Variants in PDIA6 observed in about 807,000 individuals in gnomAD.
PDIA6 encodes the protein protein disulfide isomerase family A member 6, also known as protein disulfide-isomerase A6.
In PDIA6, 29 loss-of-function variants were observed where a neutral mutation model predicts 58.4. The ratio of observed to expected loss-of-function variants is 0.50; its 90% CI spans 0.37 to 0.68. The LOEUF (loss-of-function observed/expected upper bound fraction) is 0.68. PDIA6 is among the 30% of genes least tolerant of loss of function. The probability of loss-of-function intolerance (pLI) is 0.00; values close to 1 mark genes in which losing one functional copy is unlikely to be tolerated. For missense variants in PDIA6, 480 were observed against 551.0 expected (o/e 0.87, Z 1.29); for synonymous variants, 192 against 202.6 (o/e 0.95, Z 0.44).
intron 8 of PDIA6, among the ~76,000 whole-genome samples, chr2:10,789,461 T>C (rs950509245): frequency 5.3e-5 from 8 of 152,184 alleles, no homozygotes; most frequent in African/African-American, 1.9e-4. Flanking sequence ...CGGTGCCTGT[T>C]ACATGATTAG....
intron 12 of PDIA6, 79 bp from the exon 13 acceptor site, chr2:10,784,405 G>T: frequency 9.1e-7 from 1 of 1,101,534 alleles, no homozygotes; most frequent in Non-Finnish European, 1.3e-6. Flanking sequence ...TTATGGAAGA[G>T]CGACTCTCTG....
chr2:10,821,182 C>T, intron 1 of PDIA6: 1 of 268,406 alleles, frequency 3.7e-6, no homozygotes, highest in Non-Finnish European at 7.3e-6. Flanking sequence ...CCTCTCTTAC[C>T]TCTCAGTTGA....
rs570113508 is a variant in PDIA6, at chr2:10,826,196, T to C, written c.-48+6006A>G. On this transcript the variant is annotated intron_variant, in intron 1 of 13. Transcript: ENST00000381611. ...ATATGGATTGACCTTGATGACATTA[T>C]GCTAAGTGGAAGAAGCCAGACTCAA... Among the ~76,000 whole-genome samples the C allele has an allele frequency of 2.8e-4, 42 of 152,342 alleles. No individual in the cohort carries two copies. The South Asian group carries it at 8.5e-3, about 31-fold the overall frequency.
In PDIA6 at chr2:10,793,222, G is replaced by A. The variant is rs763924137; in HGVS notation, c.347-20C>T. 1 of 1,574,090 alleles carries A rather than the reference G, an allele frequency of 6.4e-7. No homozygotes were observed. The highest frequency in any genetic ancestry group is 8.7e-7 in the Non-Finnish European group (1 of 1,143,858). ...TGCCACCTACAGGAGACGGAAGGTAGGCGGTCCTCAGCCCGGCCTTCAGCA... is the reference window on the plus strand; with the variant it reads ...TGCCACCTACAGGAGACGGAAGGTAAGCGGTCCTCAGCCCGGCCTTCAGCA... On this transcript the variant is annotated intron_variant, in intron 4 of 12. Transcript: ENST00000272227.
chr2:10,829,533 G>C (rs1163717041), intron 1 of PDIA6, among the ~76,000 whole-genome samples: 1 of 152,142 alleles, frequency 6.6e-6, no homozygotes, highest in Non-Finnish European at 1.5e-5. Context: ...TTGTTAGAAG[G>C]CACGGTGTTG....
intron 1 of PDIA6, among the ~76,000 whole-genome samples, chr2:10,827,182 C>T (rs1400908403): frequency 6.6e-6 from 1 of 152,188 alleles, no homozygotes; most frequent in African/African-American, 2.4e-5. Flanking sequence ...CCTGCCTCAA[C>T]CTCCTGAGTA....
At chr2:10,812,562 C>A in intron 1 of PDIA6, 116 bp downstream of exon 1, 13 of 1,091,246 alleles carry the variant, frequency 1.2e-5, no homozygotes, top group Non-Finnish European at 1.6e-5. Flanking sequence ...GCCTCCCGCC[C>A]GCCAGGCCCA....
At chr2:10,813,787 C>T (rs1270356451), upstream of PDIA6, among the ~76,000 whole-genome samples, 1 of 152,020 alleles carries the variant, frequency 6.6e-6, no homozygotes, top group Admixed American at 6.5e-5. Context: ...AGGTGCATGT[C>T]ACCACGCCCG....
At chr2:10,822,881 C>T (rs116563553) in intron 1 of PDIA6, among the ~76,000 whole-genome samples, 260 of 152,338 alleles carry the variant, frequency 1.7e-3, no homozygotes, top group African/African-American at 5.9e-3. Context: ...CAGCTTCCTG[C>T]GGACAAGACA....
At chr2:10,821,200 C>G in intron 1 of PDIA6, 2 of 241,530 alleles carry the variant, frequency 8.3e-6, no homozygotes, top group East Asian at 1.1e-4. Flanking sequence ...TGAAATTAAT[C>G]ATGGCCTCAT....
rs530352087 is a variant in PDIA6, at chr2:10,806,300, C to T, written c.20-3660G>A. Among the ~76,000 whole-genome samples the T allele has an allele frequency of 9.5e-5, 14 of 147,576 alleles. No individual in the cohort carries two copies. In the South Asian group the frequency reaches 2.8e-3, roughly 29 times the overall value. ...GGAGGATCACTGAGCCCAGGGAGGT[C>T]GAGGCTACGGGTGCAGTGGGCTGTG... is the stretch of plus-strand genomic sequence containing the variant. On this transcript the variant is annotated intron_variant, in intron 1 of 12. Coordinates refer to ENST00000272227, the MANE Select transcript of PDIA6 (RefSeq NM_005742.4).
At chr2:10,793,242 TC>T (rs1666117979) in intron 4 of PDIA6, 40 bp from the exon 5 acceptor site, 1 of 1,409,416 alleles carries the variant, frequency 7.1e-7, no homozygotes, top group Non-Finnish European at 1.0e-6. Context: ...AGCCCGGCCT[TC>T]AGCAAGTGCC....
intron 1 of PDIA6, chr2:10,820,766 C>T (rs995595389): frequency 2.7e-5 from 19 of 702,936 alleles, no homozygotes; most frequent in Admixed American, 1.6e-4. Context: ...GGCCAGTTCA[C>T]TCACATGGCT....
chr2:10,790,893 A>C, intron 6 of PDIA6, 60 bp from the exon 7 acceptor site: 1 of 1,253,822 alleles, frequency 8.0e-7, no homozygotes, highest in Non-Finnish European at 1.2e-6. Flanking sequence ...TCTGTTGCCC[A>C]GGCTGGAGTG....
At chr2:10,806,399 T>C (rs965734464) in intron 1 of PDIA6, among the ~76,000 whole-genome samples, 9 of 150,926 alleles carry the variant, frequency 6.0e-5, no homozygotes, top group Admixed American at 4.0e-4. Flanking sequence ...AAAATATTTT[T>C]GTACTGCTGT....
At chr2:10,833,434 C>A (rs1558468141), upstream of PDIA6, among the ~76,000 whole-genome samples, 1 of 152,216 alleles carries the variant, frequency 6.6e-6, no homozygotes, top group Non-Finnish European at 1.5e-5. Flanking sequence ...TCCCCACCCC[C>A]TCTGGGGGTT....
intron 12 of PDIA6, 86 bp from the exon 13 acceptor site, chr2:10,784,412 T>C (rs1452967168): frequency 2.0e-6 from 2 of 1,005,870 alleles, no homozygotes; most frequent in Non-Finnish European, 3.0e-6. Flanking sequence ...AGAGCGACTC[T>C]CTGGAGCTAC....
At chr2:10,787,780 G>C (rs531873773) in intron 10 of PDIA6, among the ~76,000 whole-genome samples, 225 of 152,204 alleles carry the variant, frequency 1.5e-3, no homozygotes, top group Non-Finnish European at 2.7e-3. Context: ...TAAATAGGAA[G>C]GAGGCTGGGC....
intron 1 of PDIA6, among the ~76,000 whole-genome samples, chr2:10,811,264 T>A (rs562340872): frequency 3.3e-5 from 5 of 152,332 alleles, no homozygotes; most frequent in Non-Finnish European, 5.9e-5. Context: ...GCCAGGTGAC[T>A]GACACTTGTA....
Sources: gnomAD v4.1 joint callset for allele counts (sites outside exome capture counted in the v4.1 genomes callset) on GRCh38, gnomAD v4.1.1 for gene constraint, MANE v1.5 for transcripts, NCBI Gene and HGNC (gene_info 2026-07-23, HGNC 2026-07-21) for gene names.